ANK3: variants seen among roughly 807,000 people sequenced by gnomAD.
ANK3 encodes the protein ankyrin-3.
A neutral mutation model predicts 370.9 loss-of-function variants in ANK3; 57 were observed. The observed-to-expected ratio is 0.15, with a 90% CI of 0.12 to 0.19. The LOEUF (loss-of-function observed/expected upper bound fraction) is 0.19, where lower values mean the gene tolerates loss of function less well. Ranked by LOEUF, ANK3 falls within the 10% of genes least tolerant of loss-of-function variation. The probability of loss-of-function intolerance (pLI) is 1.00; values close to 1 mark genes in which losing one functional copy is unlikely to be tolerated. For synonymous variants in ANK3, 1,929 were observed against 1,946.3 expected, an observed-to-expected ratio of 0.99 and a Z score of 0.23; for missense variants, 4,439 against 5,302.1, an observed-to-expected ratio of 0.84 and a Z score of 5.06.
intron 1 of ANK3, among the ~76,000 whole-genome samples, chr10:60,631,402 C>T (rs547658336): frequency 5.9e-4 from 90 of 152,028 alleles, no homozygotes; most frequent in Admixed American, 1.6e-3. Context: ...CATGGAGGTG[C>T]GTGCCTCTAG....
At chr10:60,690,850 T>C (rs558840410) in intron 1 of ANK3, among the ~76,000 whole-genome samples, 3 of 152,024 alleles carry the variant, frequency 2.0e-5, no homozygotes, top group African/African-American at 4.8e-5. Flanking sequence ...ACAGCATCGA[T>C]AGGAGCTGTT....
At chr10:60,699,919 C>G (rs1048452357) in intron 1 of ANK3, among the ~76,000 whole-genome samples, 14 of 152,044 alleles carry the variant, frequency 9.2e-5, no homozygotes, top group African/African-American at 3.4e-4. Context: ...TGTTAGATGT[C>G]GACTACAAAA....
chr10:60,113,858 C>A (rs2092897634), intron 26 of ANK3, among the ~76,000 whole-genome samples: 1 of 151,994 alleles, frequency 6.6e-6, no homozygotes, highest in Admixed American at 6.6e-5. Flanking sequence ...AGAAAAACTT[C>A]ATTTGAATAG....
chr10:60,132,565 C>T (rs957063543), intron 25 of ANK3, among the ~76,000 whole-genome samples: 1 of 152,062 alleles, frequency 6.6e-6, no homozygotes, highest in African/African-American at 2.4e-5. Context: ...ATTACCCAGT[C>T]TCTAGTATGT....
chr10:60,400,886 C>T (rs2063340003), intron 2 of ANK3, among the ~76,000 whole-genome samples: 1 of 152,068 alleles, frequency 6.6e-6, no homozygotes, highest in East Asian at 1.9e-4. Context: ...CCCAACAGGC[C>T]CCAGTGTGTG....
intron 1 of ANK3, among the ~76,000 whole-genome samples, chr10:60,666,147 T>C (rs1250695835): frequency 6.6e-6 from 1 of 152,190 alleles, no homozygotes; most frequent in Non-Finnish European, 1.5e-5. Context: ...TAGCCGAAAG[T>C]ATAAGCAACC....
At chr10:60,523,003 T>C (rs560832128) in intron 2 of ANK3, among the ~76,000 whole-genome samples, 1 of 152,164 alleles carries the variant, frequency 6.6e-6, no homozygotes, top group Admixed American at 6.6e-5. Flanking sequence ...CTATAGCCTA[T>C]GTTAAAGATA....
At chr10:60,041,386 A>T (rs764041148) in intron 43 of ANK3, among the ~76,000 whole-genome samples, 24 of 152,290 alleles carry the variant, frequency 1.6e-4, no homozygotes, top group Middle Eastern at 3.4e-3. Context: ...GTCACCTCCG[A>T]CCCAGGTTAA....
chr10:60,175,930 G>A (rs1028744194), intron 18 of ANK3, among the ~76,000 whole-genome samples: 8 of 152,194 alleles, frequency 5.3e-5, no homozygotes, highest in African/African-American at 1.9e-4. Flanking sequence ...TTTCAACAGT[G>A]TCTGACACAT....
intron 27 of ANK3, among the ~76,000 whole-genome samples, chr10:60,106,298 T>C (rs2092156870): frequency 6.6e-6 from 1 of 152,068 alleles, no homozygotes; most frequent in Admixed American, 6.6e-5. Flanking sequence ...AGGCATAGGA[T>C]TTAATGGGGG....
At chr10:60,524,934 C>T (rs924450795) in intron 2 of ANK3, among the ~76,000 whole-genome samples, 2 of 152,090 alleles carry the variant, frequency 1.3e-5, no homozygotes, top group African/African-American at 4.8e-5. Context: ...ATTGAATACC[C>T]TAAGCTGAAT....
At position 60,577,017 on chromosome 10, in the gene ANK3, C is replaced by T. The variant is rs115704288; in HGVS notation, c.96+38169G>A. On this transcript the variant is annotated intron_variant, in intron 2 of 43. Transcript: ENST00000373827. ...CTTGTCCTTAATAGTTATGTATTTA[C>T]TTTCAATTTGAAAAAGAAAAAAGTA... 5.9e-3 allele frequency among the ~76,000 whole-genome samples: 899 copies of T among 152,326 alleles called. 9 individuals are homozygous for T. The highest frequency in any genetic ancestry group is 0.021 in the African/African-American group (863 of 41,564).
rs72822254 is a variant in ANK3 at position 60,304,810 on chromosome 10, C to T, written c.115-25171G>A. ...GTTACAGGTTGTTCATTATTCACTG[C>T]CCCTCTCCTCTTTCCCACCCCTGCT... On this transcript the variant is annotated intron_variant, in intron 1 of 43. Transcript: ENST00000280772. Among the ~76,000 whole-genome samples the T allele has an allele frequency of 5.3e-3, 808 of 152,206 alleles. 4 individuals are homozygous for T. Among genetic ancestry groups the T allele is most frequent in the South Asian group, 0.011 (51 of 4,814 alleles).
At chr10:60,695,637 G>T (rs2079436045) in intron 1 of ANK3, among the ~76,000 whole-genome samples, 4 of 152,170 alleles carry the variant, frequency 2.6e-5, no homozygotes, top group Admixed American at 2.6e-4. Context: ...TGAACAACCT[G>T]CTCCTGAATG....
At chr10:60,095,697 T>TA (rs908441721) in intron 28 of ANK3, among the ~76,000 whole-genome samples, 27 of 152,140 alleles carry the variant, frequency 1.8e-4, no homozygotes, top group African/African-American at 5.8e-4. Flanking sequence ...TTATTTTTAT[T>TA]AAAAAAAATG....
intron 1 of ANK3, among the ~76,000 whole-genome samples, chr10:60,339,160 T>C (rs2053696453): frequency 1.3e-5 from 2 of 152,096 alleles, no homozygotes; most frequent in Non-Finnish European, 2.9e-5. Flanking sequence ...CATTTTGAAA[T>C]TGCTGCATAG....
intron 1 of ANK3, among the ~76,000 whole-genome samples, chr10:60,347,290 G>A (rs1021258468): frequency 1.3e-5 from 2 of 151,820 alleles, no homozygotes; most frequent in Non-Finnish European, 2.9e-5. Flanking sequence ...ATTTTTAAGG[G>A]AACATCAGCT....
intron 2 of ANK3, among the ~76,000 whole-genome samples, chr10:60,460,144 C>G (rs965240346): frequency 1.8e-4 from 27 of 152,122 alleles, no homozygotes; most frequent in Non-Finnish European, 7.4e-5. Flanking sequence ...CTTAGCTGTA[C>G]GATCCCTTCA....
intron 25 of ANK3, among the ~76,000 whole-genome samples, chr10:60,132,067 C>T (rs2094104878): frequency 1.3e-5 from 2 of 152,106 alleles, no homozygotes; most frequent in Non-Finnish European, 2.9e-5. Flanking sequence ...CCACTGCCAT[C>T]TCATTTCAAT....
Sources: gnomAD v4.1 joint callset for allele counts (sites outside exome capture counted in the v4.1 genomes callset) on GRCh38, gnomAD v4.1.1 for gene constraint, MANE v1.5 for transcripts, NCBI Gene and HGNC (gene_info 2026-07-23, HGNC 2026-07-21) for gene names.